The following NHSL1 variants were observed in gnomAD, a reference collection of about 807,000 sequenced individuals.
The protein encoded by NHSL1 is NHS like 1, also known as NHS-like protein 1.
A neutral mutation model predicts 95.0 loss-of-function variants in NHSL1; 48 were observed. That is an observed-to-expected ratio of 0.51 (90% CI 0.40 to 0.64). NHSL1 has a LOEUF of 0.64. Among genes scored for constraint, NHSL1 ranks in the 30% least tolerant of loss-of-function variants. The pLI, the probability that NHSL1 is intolerant of heterozygous loss-of-function variation, is 0.00. For missense variants in NHSL1, 1,971 were observed against 2,077.7 expected (o/e 0.95, Z 1.00); for synonymous variants, 783 against 833.9 (o/e 0.94, Z 1.05).
chr6:138,507,406 A>C (rs9495099), intron 1 of NHSL1, among the ~76,000 whole-genome samples: 8,087 of 152,296 alleles, frequency 0.053, 249 homozygotes, highest in African/African-American at 0.079. Flanking sequence ...ACTACTACTA[A>C]TAATAATGGG....
At chr6:138,653,425 G>A (rs1207756132) in intron 1 of NHSL1, among the ~76,000 whole-genome samples, 2 of 152,104 alleles carry the variant, frequency 1.3e-5, no homozygotes, top group African/African-American at 2.4e-5. Flanking sequence ...GTAGTGGCAT[G>A]TGCCTGTAAT....
chr6:138,562,681 G>C (rs1005108938), intron 1 of NHSL1, among the ~76,000 whole-genome samples: 5 of 151,896 alleles, frequency 3.3e-5, no homozygotes, highest in African/African-American at 1.2e-4. Context: ...AAAATATATA[G>C]CCTAACATGA....
At chr6:138,598,242 T>TTGG (rs1268547245) in intron 1 of NHSL1, among the ~76,000 whole-genome samples, 1 of 152,098 alleles carries the variant, frequency 6.6e-6, no homozygotes, top group East Asian at 1.9e-4. Flanking sequence ...ATGGATCACT[T>TTGG]GAGGCCAAGA....
At chr6:138,505,430 C>A (rs185402722) in intron 1 of NHSL1, among the ~76,000 whole-genome samples, 6 of 151,978 alleles carry the variant, frequency 3.9e-5, no homozygotes, top group African/African-American at 1.5e-4. Flanking sequence ...CCAAGATAGG[C>A]GGATCACGAG....
intron 1 of NHSL1, among the ~76,000 whole-genome samples, chr6:138,581,292 C>A (rs1784051459): frequency 6.6e-6 from 1 of 152,114 alleles, no homozygotes; most frequent in African/African-American, 2.4e-5. Flanking sequence ...TAATTCCTTA[C>A]CAGTCCTTTT....
In NHSL1 at chr6:138,481,088, A is replaced by G. The variant is rs181645613; in HGVS notation, c.212-7655T>C. On this transcript the variant is annotated intron_variant, in intron 2 of 7. Transcript: ENST00000343505. The stretch of plus-strand genomic sequence containing the variant: ...CTTAGTCCAGAAGGACTGAGAATAC[A>G]TAAGACTATAAACATTCATGTTTAG... Among the ~76,000 whole-genome samples the G allele has an allele frequency of 7.2e-5, 11 of 152,324 alleles. No individual in the cohort carries two copies. The East Asian group carries it at 2.1e-3, about 29-fold the overall frequency.
chr6:138,655,877 G>T (rs1248477291), intron 1 of NHSL1, among the ~76,000 whole-genome samples: 1 of 152,110 alleles, frequency 6.6e-6, no homozygotes, highest in African/African-American at 2.4e-5. Context: ...TAGGGCAGCC[G>T]TGTGCCCTGA....
At chr6:138,658,946 C>T (rs893124164) in intron 1 of NHSL1, among the ~76,000 whole-genome samples, 13 of 151,790 alleles carry the variant, frequency 8.6e-5, no homozygotes, top group African/African-American at 3.1e-4. Context: ...TGTACTCACA[C>T]TAAGACAGGG....
At chr6:138,676,220 C>T (rs2114774647) in intron 1 of NHSL1, among the ~76,000 whole-genome samples, 1 of 152,112 alleles carries the variant, frequency 6.6e-6, no homozygotes. Context: ...AATGGAATAT[C>T]GTGATATCAA....
upstream of NHSL1, among the ~76,000 whole-genome samples, chr6:138,547,360 G>A (rs1782839727): frequency 6.6e-6 from 1 of 150,460 alleles, no homozygotes; most frequent in Non-Finnish European, 1.5e-5. Context: ...GGGGAATGAT[G>A]AACAGTGATA....
At chr6:138,571,717 G>A in exon 1 of NHSL1, 1 of 1,551,914 alleles carries the variant, frequency 6.4e-7, no homozygotes, top group Admixed American at 2.0e-5. Flanking sequence ...CACCTTTTCT[G>A]GGCTGGGCTC....
intron 1 of NHSL1, among the ~76,000 whole-genome samples, chr6:138,514,216 G>A (rs934150489): frequency 6.6e-6 from 1 of 152,210 alleles, no homozygotes; most frequent in Non-Finnish European, 1.5e-5. Flanking sequence ...TACTCAGGAG[G>A]CTGAGGCAGA....
At chr6:138,623,138 G>A (rs1784688464) in intron 1 of NHSL1, among the ~76,000 whole-genome samples, 2 of 152,210 alleles carry the variant, frequency 1.3e-5, no homozygotes, top group African/African-American at 2.4e-5. Flanking sequence ...TTGCATTAAT[G>A]ACGTGGATCT....
rs1419196679 is a variant in NHSL1 at position 138,665,779 on chromosome 6, A to G, written c.96+26697T>C. On this transcript the variant is annotated intron_variant, in intron 1 of 3. Transcript: ENST00000491526. ...ACATTACTAACACTTAATTTTTCTAATTAGAGCTATAATCCTATCGCCCCT... is the reference window on the plus strand; with the variant it reads ...ACATTACTAACACTTAATTTTTCTAGTTAGAGCTATAATCCTATCGCCCCT... 3.3e-5 allele frequency among the ~76,000 whole-genome samples: 5 copies of G among 152,072 alleles called. No homozygotes were observed. In the South Asian group the frequency reaches 8.3e-4, roughly 25 times the overall value.
intron 1 of NHSL1, among the ~76,000 whole-genome samples, chr6:138,569,755 A>G (rs1352488676): frequency 6.6e-6 from 1 of 152,192 alleles, no homozygotes; most frequent in Non-Finnish European, 1.5e-5. Context: ...TTGGAAGCCA[A>G]TTTTCTTTTG....
chr6:138,549,395 G>T (rs1782921039), upstream of NHSL1, among the ~76,000 whole-genome samples: 1 of 152,122 alleles, frequency 6.6e-6, no homozygotes, highest in Non-Finnish European at 1.5e-5. Flanking sequence ...AAAAAAGAGA[G>T]AGAGACAGAA....
intron 1 of NHSL1, among the ~76,000 whole-genome samples, chr6:138,599,137 T>C (rs987449586): frequency 6.6e-6 from 1 of 152,218 alleles, no homozygotes; most frequent in African/African-American, 2.4e-5. Context: ...CTGAGCTACC[T>C]AATTGTTTTG....
intron 1 of NHSL1, among the ~76,000 whole-genome samples, chr6:138,559,136 A>G (rs1783315532): frequency 6.6e-6 from 1 of 152,372 alleles, no homozygotes; most frequent in South Asian, 2.1e-4. Flanking sequence ...CATACAGGCT[A>G]GAATCCAAAA....
At chr6:138,433,878 T>G (rs1775890048) in intron 5 of NHSL1, among the ~76,000 whole-genome samples, 198 bp from the exon 6 acceptor site, 1 of 152,218 alleles carries the variant, frequency 6.6e-6, no homozygotes, top group South Asian at 2.1e-4. Context: ...TGTCAGGTAC[T>G]TCTCTTAATT....
Sources: allele counts gnomAD v4.1 joint callset (sites outside exome capture counted in the v4.1 genomes callset), GRCh38; gene constraint gnomAD v4.1.1; transcripts MANE v1.5; gene names NCBI Gene and HGNC (gene_info 2026-07-23, HGNC 2026-07-21).